The following NRG3 variants were observed in gnomAD, a reference collection of about 807,000 sequenced individuals.
The protein encoded by NRG3 is neuregulin 3.
Under a neutral mutation model 66.9 loss-of-function variants are expected in NRG3, and 31 were observed. The ratio of observed to expected loss-of-function variants is 0.46; its 90% CI spans 0.35 to 0.63. The LOEUF (loss-of-function observed/expected upper bound fraction) is 0.63. NRG3 is among the 20% of genes least tolerant of loss of function. The pLI, the probability that NRG3 is intolerant of heterozygous loss-of-function variation, is 0.00. For missense variants in NRG3, 910 were observed against 878.9 expected (o/e 1.04, Z -0.45); for synonymous variants, 393 against 359.4 (o/e 1.09, Z -1.06).
intron 2 of NRG3, among the ~76,000 whole-genome samples, chr10:82,455,487 C>G (rs970165317): frequency 1.3e-5 from 2 of 152,060 alleles, no homozygotes; most frequent in Admixed American, 6.5e-5. Flanking sequence ...AGGGCACTTA[C>G]ATAGAGCTTG....
chr10:82,386,495 T>G (rs1015456143), intron 2 of NRG3, among the ~76,000 whole-genome samples: 2 of 152,218 alleles, frequency 1.3e-5, no homozygotes, highest in African/African-American at 4.8e-5. Context: ...TTGGTTTAAA[T>G]TAAGGTATGG....
chr10:82,774,594 T>G (rs2059827569), intron 3 of NRG3, among the ~76,000 whole-genome samples: 1 of 151,958 alleles, frequency 6.6e-6, no homozygotes, highest in Non-Finnish European at 1.5e-5. Flanking sequence ...TCCTTCTTTT[T>G]TATTTCTGAG....
chr10:82,254,929 T>C (rs2077646922), intron 1 of NRG3, among the ~76,000 whole-genome samples: 1 of 152,172 alleles, frequency 6.6e-6, no homozygotes, highest in Non-Finnish European at 1.5e-5. Context: ...TATGTAGATA[T>C]TCAGTCCTTG....
intron 2 of NRG3, among the ~76,000 whole-genome samples, chr10:82,692,050 G>A (rs983205729): frequency 6.6e-6 from 1 of 152,102 alleles, no homozygotes; most frequent in African/African-American, 2.4e-5. Context: ...AAGGTGGGTG[G>A]ATCACCTGAG....
intron 2 of NRG3, among the ~76,000 whole-genome samples, chr10:82,527,312 TA>T (rs11316759): frequency 0.12 from 15,008 of 128,026 alleles, 1,366 homozygotes; most frequent in African/African-American, 0.33. Context: ...TATGTAAAAT[TA>T]AAAAAAAAAA....
intron 2 of NRG3, among the ~76,000 whole-genome samples, chr10:82,695,825 A>G (rs2055334932): frequency 6.6e-6 from 1 of 152,094 alleles, no homozygotes; most frequent in African/African-American, 2.4e-5. Context: ...AGGGAATGAC[A>G]ACCTCACTTA....
intron 2 of NRG3, among the ~76,000 whole-genome samples, chr10:82,414,659 G>T (rs921098486): frequency 2.0e-5 from 3 of 152,118 alleles, no homozygotes; most frequent in Non-Finnish European, 2.9e-5. Flanking sequence ...GGTCCAATCT[G>T]TGGAGAAAGG....
intron 2 of NRG3, among the ~76,000 whole-genome samples, chr10:82,542,251 A>G (rs979384809): frequency 6.6e-6 from 1 of 152,202 alleles, no homozygotes; most frequent in Non-Finnish European, 1.5e-5. Flanking sequence ...AAGGAACCAG[A>G]CTTTTTAGAG....
chr10:82,188,673 C>G (rs1232225048), intron 1 of NRG3, among the ~76,000 whole-genome samples: 1 of 151,984 alleles, frequency 6.6e-6, no homozygotes. Context: ...AAAAAAAGAC[C>G]TACAAATGGC....
intron 2 of NRG3, among the ~76,000 whole-genome samples, chr10:82,569,585 A>C (rs2045608585): frequency 6.6e-6 from 1 of 151,650 alleles, no homozygotes; most frequent in Non-Finnish European, 1.5e-5. Flanking sequence ...TCTGTTTCCC[A>C]TTCTGTTTTC....
At chr10:81,998,768 A>G (rs2061047833) in intron 1 of NRG3, among the ~76,000 whole-genome samples, 1 of 152,212 alleles carries the variant, frequency 6.6e-6, no homozygotes, top group Admixed American at 6.5e-5. Flanking sequence ...GGATAAGCAT[A>G]TATCTTAAGT....
chr10:81,976,082 T>C (rs184649130), intron 1 of NRG3, among the ~76,000 whole-genome samples: 27 of 152,314 alleles, frequency 1.8e-4, no homozygotes, highest in Admixed American at 1.4e-3. Context: ...CCTTCAGAAA[T>C]ATAAGATATT....
At chr10:82,450,225 C>T (rs1222468190) in intron 2 of NRG3, among the ~76,000 whole-genome samples, 1 of 152,156 alleles carries the variant, frequency 6.6e-6, no homozygotes, top group Non-Finnish European at 1.5e-5. Context: ...CCCCCATGGG[C>T]CTCTCTTTGG....
chr10:82,974,947 T>G (rs1852113523), intron 7 of NRG3, among the ~76,000 whole-genome samples: 1 of 152,196 alleles, frequency 6.6e-6, no homozygotes, highest in Non-Finnish European at 1.5e-5. Flanking sequence ...TCCTCAGCAC[T>G]TCATGGTAAT....
chr10:82,874,105 A>G (rs190571938), intron 4 of NRG3, among the ~76,000 whole-genome samples: 1 of 152,114 alleles, frequency 6.6e-6, no homozygotes, highest in African/African-American at 2.4e-5. Context: ...TAGAATTGAT[A>G]GAATATTACT....
chr10:81,906,707 C>G (rs1196837634), intron 1 of NRG3, among the ~76,000 whole-genome samples: 2 of 152,028 alleles, frequency 1.3e-5, no homozygotes, highest in African/African-American at 4.8e-5. Flanking sequence ...TTAGAAACTG[C>G]TGAGCAGGAG....
At chr10:82,535,881 G>A (rs1247587112) in intron 2 of NRG3, among the ~76,000 whole-genome samples, 2 of 149,318 alleles carry the variant, frequency 1.3e-5, no homozygotes, top group East Asian at 4.0e-4. Flanking sequence ...AATTCAAAAT[G>A]CAAATATTTT....
At chr10:82,592,135 G>A (rs890334423) in intron 2 of NRG3, among the ~76,000 whole-genome samples, 1 of 152,184 alleles carries the variant, frequency 6.6e-6, no homozygotes, top group Non-Finnish European at 1.5e-5. Flanking sequence ...AAACAAACAT[G>A]TAATGGCTCA....
intron 2 of NRG3, among the ~76,000 whole-genome samples, chr10:82,695,989 G>A (rs535036581): frequency 6.4e-4 from 98 of 152,218 alleles, no homozygotes; most frequent in South Asian, 4.1e-3. Context: ...CTTGACAGTC[G>A]TCTGTTTGCA....
Sources: allele counts gnomAD v4.1 joint callset (sites outside exome capture counted in the v4.1 genomes callset), GRCh38; gene constraint gnomAD v4.1.1; transcripts MANE v1.5; gene names NCBI Gene and HGNC (gene_info 2026-07-23, HGNC 2026-07-21).